LUZP2: variants seen among roughly 807,000 people sequenced by gnomAD.
The protein encoded by LUZP2 is leucine zipper protein 2.
In LUZP2, 52 loss-of-function variants were observed where a neutral mutation model predicts 51.6. The ratio of observed to expected loss-of-function variants is 1.01; its 90% CI spans 0.81 to 1.27. LUZP2 has a LOEUF of 1.27. Among genes scored for constraint, LUZP2 ranks in the 50% most tolerant of loss-of-function variants. The pLI, the probability that LUZP2 is intolerant of heterozygous loss-of-function variation, is 0.00. For missense variants in LUZP2, 436 were observed against 395.4 expected, an observed-to-expected ratio of 1.10 and a Z score of -0.87; for synonymous variants, 154 against 137.3, an observed-to-expected ratio of 1.12 and a Z score of -0.85.
At chr11:24,571,121 A>G (rs1409098398) in intron 1 of LUZP2, among the ~76,000 whole-genome samples, 1 of 152,126 alleles carries the variant, frequency 6.6e-6, no homozygotes, top group Non-Finnish European at 1.5e-5. Flanking sequence ...GGTTGCCACA[A>G]GAAGCAGCGA....
intron 10 of LUZP2, among the ~76,000 whole-genome samples, chr11:25,071,019 T>G (rs2134054755): frequency 6.6e-6 from 1 of 152,086 alleles, no homozygotes; most frequent in East Asian, 1.9e-4. Flanking sequence ...TCATGTAAAC[T>G]GACACGAAAC....
chr11:24,518,009 A>G (rs1015064609), intron 1 of LUZP2, among the ~76,000 whole-genome samples: 1 of 152,178 alleles, frequency 6.6e-6, no homozygotes, highest in Non-Finnish European at 1.5e-5. Flanking sequence ...AACACTATCC[A>G]TTAAGTTTCT....
chr11:24,960,959 T>C (rs1046685914), intron 7 of LUZP2, among the ~76,000 whole-genome samples: 6 of 152,144 alleles, frequency 3.9e-5, no homozygotes, highest in Non-Finnish European at 8.8e-5. Flanking sequence ...TTTGTTCTCG[T>C]TGGTTTCAAA....
chr11:25,040,342 G>GTTTTTTTTTTTTTTTTTTTTTTTTTTTT, intron 9 of LUZP2, among the ~76,000 whole-genome samples: 1 of 34,026 alleles, frequency 2.9e-5, no homozygotes, highest in African/African-American at 3.4e-4. Context: ...CTTTCTTTCC[G>GTTTTTTTTTTTTTTTTTTTTTTTTTTTT]ATTTTTTTTT....
At chr11:24,515,870 A>T (rs967956219) in intron 1 of LUZP2, among the ~76,000 whole-genome samples, 1 of 152,118 alleles carries the variant, frequency 6.6e-6, no homozygotes, top group African/African-American at 2.4e-5. Context: ...GGGTAAAGCT[A>T]TTCTGCTGGG....
At chr11:24,918,608 CT>C (rs1184353806) in intron 7 of LUZP2, among the ~76,000 whole-genome samples, 2 of 151,040 alleles carry the variant, frequency 1.3e-5, no homozygotes, top group Non-Finnish European at 2.9e-5. Context: ...CAAAATCATG[CT>C]TTTTTTAGAT....
At chr11:24,602,234 GTGTATATA>G (rs1422877201) in intron 1 of LUZP2, among the ~76,000 whole-genome samples, 2 of 14,906 alleles carry the variant, frequency 1.3e-4, no homozygotes, top group South Asian at 3.9e-3. Flanking sequence ...GTACATATAT[GTGTATATA>G]TGTATATATA....
intron 1 of LUZP2, among the ~76,000 whole-genome samples, chr11:24,633,033 A>T (rs182938512): frequency 1.8e-4 from 27 of 152,138 alleles, no homozygotes; most frequent in African/African-American, 5.5e-4. Context: ...ATAGAAAGGA[A>T]ATCTGAGCAA....
At chr11:24,835,354 C>A (rs530130542) in intron 5 of LUZP2, among the ~76,000 whole-genome samples, 136 of 152,202 alleles carry the variant, frequency 8.9e-4, no homozygotes, top group African/African-American at 3.2e-3. Flanking sequence ...ATCATAAAAA[C>A]CCTAAAAGAA....
Position 24,694,362 on chromosome 11 carries a change from C to T in LUZP2, c.63-34807C>T, listed in dbSNP as rs114909720. Among the ~76,000 whole-genome samples, 554 of 152,260 alleles carry T rather than the reference C, an allele frequency of 3.6e-3. 5 individuals are homozygous for T. Among genetic ancestry groups the T allele is most frequent in the African/African-American group, 0.013 (534 of 41,564 alleles). ...TCCTTTGGCCTTTGCTTAAATCTTA[C>T]TGTCTCAAAGAGACTCACCTTGACT... On this transcript the variant is annotated intron_variant, in intron 1 of 11. Coordinates refer to ENST00000336930, the MANE Select transcript of LUZP2 (RefSeq NM_001009909.4).
intron 1 of LUZP2, among the ~76,000 whole-genome samples, chr11:24,682,454 C>A (rs1216996895): frequency 6.7e-6 from 1 of 148,806 alleles, no homozygotes; most frequent in African/African-American, 2.5e-5. Flanking sequence ...GAGATCGTGC[C>A]ACTGCACTCC....
chr11:24,577,436 A>G (rs1174408942), intron 1 of LUZP2, among the ~76,000 whole-genome samples: 1 of 152,126 alleles, frequency 6.6e-6, no homozygotes, highest in East Asian at 1.9e-4. Flanking sequence ...TACTCCCAAT[A>G]TGCTAGAGGC....
intron 7 of LUZP2, among the ~76,000 whole-genome samples, chr11:24,920,000 A>G (rs1853982231): frequency 6.6e-6 from 1 of 151,834 alleles, no homozygotes; most frequent in Non-Finnish European, 1.5e-5. Context: ...TGTTCCTTTA[A>G]GAGATTATAA....
intron 1 of LUZP2, among the ~76,000 whole-genome samples, chr11:24,715,145 T>C (rs930924994): frequency 1.4e-5 from 2 of 142,420 alleles, no homozygotes; most frequent in African/African-American, 5.2e-5. Flanking sequence ...TGATGTGTAA[T>C]CAATAAAAGT....
intron 1 of LUZP2, among the ~76,000 whole-genome samples, chr11:24,690,039 A>C (rs1280398613): frequency 1.3e-5 from 2 of 152,152 alleles, no homozygotes; most frequent in African/African-American, 4.8e-5. Context: ...AGGGATGCTA[A>C]GACACTGGCC....
intron 9 of LUZP2, among the ~76,000 whole-genome samples, chr11:25,030,619 G>C (rs568411246): frequency 6.6e-6 from 1 of 151,356 alleles, no homozygotes; most frequent in Non-Finnish European, 1.5e-5. Flanking sequence ...TTGCTGATCT[G>C]CTATAGCATT....
chr11:25,044,161 T>C (rs1347707744), intron 9 of LUZP2, among the ~76,000 whole-genome samples: 9 of 8,706 alleles, frequency 1.0e-3, no homozygotes, highest in Admixed American at 2.2e-3. Context: ...ACTATAGATA[T>C]AGTGTCTCTA....
At chr11:24,708,139 G>A (rs895889774) in intron 1 of LUZP2, among the ~76,000 whole-genome samples, 10 of 152,152 alleles carry the variant, frequency 6.6e-5, no homozygotes, top group African/African-American at 2.4e-4. Context: ...TTAGGAGGAA[G>A]TTAAGTTTAA....
At chr11:25,005,562 G>A (rs367901400) in intron 9 of LUZP2, among the ~76,000 whole-genome samples, 18 of 151,984 alleles carry the variant, frequency 1.2e-4, no homozygotes, top group African/African-American at 4.4e-4. Flanking sequence ...GCATTTCCAG[G>A]GTGAACCTGT....
Sources: allele counts gnomAD v4.1 joint callset (sites outside exome capture counted in the v4.1 genomes callset), GRCh38; gene constraint gnomAD v4.1.1; transcripts MANE v1.5; gene names NCBI Gene and HGNC (gene_info 2026-07-23, HGNC 2026-07-21).